COG5: variants seen among roughly 807,000 people sequenced by gnomAD.
The protein encoded by COG5 is component of oligomeric golgi complex 5.
Under a neutral mutation model 110.4 loss-of-function variants are expected in COG5, and 86 were observed. The ratio of observed to expected loss-of-function variants is 0.78; its 90% CI spans 0.65 to 0.93. COG5 has a LOEUF of 0.93. Ranked by LOEUF, COG5 falls within the 40% of genes least tolerant of loss-of-function variation. COG5 has a pLI of 0.00. For missense variants in COG5, 1,077 were observed against 987.0 expected (o/e 1.09, Z -1.22); for synonymous variants, 360 against 334.6 (o/e 1.08, Z -0.83).
intron 6 of COG5, among the ~76,000 whole-genome samples, chr7:107,482,922 T>G (rs1297359298): frequency 1.3e-5 from 2 of 152,208 alleles, no homozygotes; most frequent in Non-Finnish European, 1.5e-5. Context: ...TTTGTTCATT[T>G]CACTATAAAA....
At chr7:107,468,385 T>C (rs533297279) in intron 6 of COG5, among the ~76,000 whole-genome samples, 156 of 152,200 alleles carry the variant, frequency 1.0e-3, no homozygotes, top group Non-Finnish European at 1.9e-3. Flanking sequence ...CTTTCTCTGG[T>C]CTTAGTTTTA....
chr7:107,203,760 A>G, intron 21 of COG5, 130 bp from the exon 22 acceptor site: 2 of 674,146 alleles, frequency 3.0e-6, no homozygotes, highest in Non-Finnish European at 2.7e-6. Flanking sequence ...TCACAAGCCA[A>G]GTGACCAACA....
intron 5 of COG5, among the ~76,000 whole-genome samples, chr7:107,543,342 A>G (rs987674297): frequency 6.6e-6 from 1 of 152,162 alleles, no homozygotes; most frequent in African/African-American, 2.4e-5. Context: ...TTGAGGAGAG[A>G]AAAGAGAAGG....
chr7:107,361,601 G>A lies in COG5; in HGVS notation c.1026+432C>T, dbSNP rs184427520. On this transcript the variant is annotated intron_variant, in intron 10 of 21. Coordinates refer to ENST00000297135, the MANE Select transcript of COG5 (RefSeq NM_006348.5). ...TTTTGAGATAGAGTTTCACTCTGTC[G>A]CCGAGGCTGGAGTGCAGTGGCGTGA... Among the ~76,000 whole-genome samples the A allele has an allele frequency of 3.7e-4, 56 of 152,098 alleles. 1 individual carries two copies. The highest frequency in any genetic ancestry group is 2.2e-3 in the Admixed American group (33 of 15,278).
chr7:107,239,383 T>C (rs1218176319), intron 17 of COG5, among the ~76,000 whole-genome samples: 2 of 152,212 alleles, frequency 1.3e-5, no homozygotes, highest in African/African-American at 4.8e-5. Flanking sequence ...TAAAATTAGG[T>C]AGTGTGATAC....
chr7:107,330,077 G>A (rs77641084), intron 10 of COG5, among the ~76,000 whole-genome samples: 23,680 of 152,124 alleles, frequency 0.16, 2,293 homozygotes, highest in Non-Finnish European at 0.22. Context: ...GAATAATTCA[G>A]GTAGATTTGA....
chr7:107,539,935 T>C (rs1801856038), intron 5 of COG5, among the ~76,000 whole-genome samples: 1 of 152,184 alleles, frequency 6.6e-6, no homozygotes, highest in Non-Finnish European at 1.5e-5. Flanking sequence ...TTAACAATTG[T>C]CTCAGATTAC....
intron 10 of COG5, among the ~76,000 whole-genome samples, chr7:107,325,165 A>G (rs1468003550): frequency 6.6e-6 from 1 of 152,208 alleles, no homozygotes; most frequent in Non-Finnish European, 1.5e-5. Context: ...CACTATAAAG[A>G]AAAGACAAAT....
chr7:107,205,931 G>C (rs1798736722), intron 21 of COG5, among the ~76,000 whole-genome samples: 1 of 151,836 alleles, frequency 6.6e-6, no homozygotes, highest in Admixed American at 6.6e-5. Context: ...GGATGGGCAA[G>C]CCCTTACTGA....
At chr7:107,204,258 G>A (rs547954619) in intron 21 of COG5, among the ~76,000 whole-genome samples, 1 of 152,298 alleles carries the variant, frequency 6.6e-6, no homozygotes, top group East Asian at 1.9e-4. Context: ...ACTGCCTGCA[G>A]GCTGAATCTA....
chr7:107,335,712 A>G (rs1810643312), intron 10 of COG5, among the ~76,000 whole-genome samples: 1 of 152,196 alleles, frequency 6.6e-6, no homozygotes, highest in African/African-American at 2.4e-5. Flanking sequence ...TCAACTATAC[A>G]CTGCCTGCAA....
At chr7:107,378,026 T>C (rs569819062) in intron 7 of COG5, among the ~76,000 whole-genome samples, 14 of 152,274 alleles carry the variant, frequency 9.2e-5, no homozygotes, top group Non-Finnish European at 1.3e-4. Context: ...AGAACTCCAG[T>C]TGGCATCTGG....
intron 12 of COG5, among the ~76,000 whole-genome samples, chr7:107,289,936 C>G (rs1374617832): frequency 6.6e-6 from 1 of 152,190 alleles, no homozygotes; most frequent in Non-Finnish European, 1.5e-5. Context: ...AAAAAAACTG[C>G]CTTTCCTTTG....
intron 6 of COG5, among the ~76,000 whole-genome samples, chr7:107,445,055 G>C (rs889461307): frequency 3.9e-5 from 6 of 151,932 alleles, no homozygotes; most frequent in African/African-American, 1.5e-4. Context: ...GGCACTGGTA[G>C]TCCCAGCAAC....
chr7:107,446,589 T>A (rs377057973), intron 6 of COG5, among the ~76,000 whole-genome samples: 1 of 152,132 alleles, frequency 6.6e-6, no homozygotes, highest in Non-Finnish European at 1.5e-5. Flanking sequence ...TAAAAAACAT[T>A]ATGGCTTCTA....
intron 8 of COG5, among the ~76,000 whole-genome samples, chr7:107,365,800 G>A (rs1011902955): frequency 1.3e-5 from 2 of 152,020 alleles, no homozygotes; most frequent in Non-Finnish European, 2.9e-5. Flanking sequence ...CTAAGCTTCT[G>A]AATGATGCAA....
At chr7:107,292,938 G>C (rs1262793850) in intron 12 of COG5, among the ~76,000 whole-genome samples, 1 of 152,148 alleles carries the variant, frequency 6.6e-6, no homozygotes, top group Non-Finnish European at 1.5e-5. Context: ...TTGTAATTTT[G>C]AGTTGGTGTG....
chr7:107,473,786 T>C (rs1356177062), intron 6 of COG5, among the ~76,000 whole-genome samples: 2 of 151,980 alleles, frequency 1.3e-5, no homozygotes, highest in East Asian at 1.9e-4. Context: ...AAAAGCCCTT[T>C]AGCATATTAA....
In COG5 at chr7:107,203,450, T is replaced by G. The variant is rs1465974785; in HGVS notation, c.*66A>C. The G allele has an allele frequency of 2.0e-6, 2 of 991,586 alleles. No individual in the cohort carries two copies. Among genetic ancestry groups the G allele is most frequent in the East Asian group, 4.8e-5 (2 of 42,056 alleles). 61.4% of individuals were successfully genotyped at this position (991,586 alleles called of 1,614,324 possible). A position where few individuals can be genotyped will look rare whatever the true frequency, so the allele number is the denominator to read the frequency against. ...AGTAGATAGTAGCAGTCTTTTGGAG[T>G]ATGTGTTTAACTGCCAACTATGAAT... is the stretch of plus-strand genomic sequence containing the variant. On this transcript the variant is annotated 3_prime_UTR_variant, in exon 22 of 22. Transcript: ENST00000297135.
Sources: gnomAD v4.1 joint callset for allele counts (sites outside exome capture counted in the v4.1 genomes callset) on GRCh38, gnomAD v4.1.1 for gene constraint, MANE v1.5 for transcripts, NCBI Gene and HGNC (gene_info 2026-07-23, HGNC 2026-07-21) for gene names.